KLRK1: variants seen among roughly 807,000 people sequenced by gnomAD.
KLRK1 encodes NKG2-D type II integral membrane protein.
KLRK1 carries 40 observed loss-of-function variants against 31.3 expected under a neutral mutation model. The observed-to-expected ratio is 1.28, with a 90% CI of 0.99 to 1.67. The LOEUF (loss-of-function observed/expected upper bound fraction) is 1.67. Ranked by LOEUF, KLRK1 falls within the 40% of genes most tolerant of loss-of-function variation. KLRK1 has a pLI of 0.00. For synonymous variants in KLRK1, 77 were observed against 77.3 expected (o/e 1.00, Z 0.02); for missense variants, 251 against 260.0 (o/e 0.97, Z 0.24).
intron 7 of KLRK1, among the ~76,000 whole-genome samples, chr12:10,376,013 G>A (rs190388983): frequency 2.0e-5 from 3 of 152,286 alleles, no homozygotes; most frequent in East Asian, 3.9e-4. Context: ...ATAAAGAAAT[G>A]TAAAGATATG....
chr12:10,378,773 A>T (rs1349438805), intron 5 of KLRK1, 68 bp from the exon 6 acceptor site: 1 of 1,494,482 alleles, frequency 6.7e-7, no homozygotes, highest in Non-Finnish European at 8.9e-7. Context: ...GTCTAGACAA[A>T]TTAAATGCCT....
chr12:10,375,013 T>C (rs1037128624), intron 7 of KLRK1, among the ~76,000 whole-genome samples: 15 of 146,538 alleles, frequency 1.0e-4, no homozygotes, highest in African/African-American at 3.5e-4. Context: ...ATATAAACTC[T>C]TATTTTTTAG....
At chr12:10,373,706 G>GTA (rs1862905214) in intron 7 of KLRK1, among the ~76,000 whole-genome samples, 4 of 151,674 alleles carry the variant, frequency 2.6e-5, no homozygotes, top group African/African-American at 9.7e-5. Context: ...GTGTGTGTGT[G>GTA]TGTGTGTGTG....
rs1194765971 is a variant in KLRK1, at chr12:10,373,158, A to G, written c.607T>C (p.Cys203Arg). The change falls in exon 8 of 8, where the codon TGT becomes CGT. Residue 203 changes from cysteine (C) to arginine (R), a missense_variant. By Grantham distance (180) the Cys-to-Arg change is radical (BLOSUM62 -3). Coordinates refer to ENST00000240618, the MANE Select transcript of KLRK1 (RefSeq NM_007360.4). ...CAGATGTACGTATTTGGAGTTGAACAGTTTTCTATATAGCCTTTAAAGCTC... is the reference window on the plus strand; with the variant it reads ...CAGATGTACGTATTTGGAGTTGAACGGTTTTCTATATAGCCTTTAAAGCTC... ...ASSFKGYIEN[C>R]STPNTYICMQ... is the part of the protein sequence containing the mutation. 6.2e-7 allele frequency: 1 copy of G among 1,612,142 alleles called. No individual in the cohort carries two copies. The highest frequency in any genetic ancestry group is 8.5e-7 in the Non-Finnish European group (1 of 1,179,394).
Position 10,379,487 on chromosome 12 carries a change from T to TA in KLRK1, c.242-6dup. On this transcript the variant is annotated splice_region_variant and splice_polypyrimidine_tract_variant and intron_variant, in intron 4 of 7. Transcript: ENST00000240618. ...GAACTTCTTGGTTGAATAATGCTAT[T>TA]AAAATAACCATAAGTATTAAAAGTT... is the stretch of plus-strand genomic sequence containing the variant. 1 of 1,469,728 alleles carries TA rather than the reference T, an allele frequency of 6.8e-7. No individual in the cohort carries two copies. Among genetic ancestry groups the TA allele is most frequent in the South Asian group, 1.3e-5 (1 of 76,942 alleles). The allele number at this position is 1,469,728 out of a possible 1,614,324, so 91.0% of individuals were successfully genotyped here. A position where few individuals can be genotyped will look rare whatever the true frequency, so the allele number is the denominator to read the frequency against.
At chr12:10,377,029 T>C (rs919284176) in intron 7 of KLRK1, among the ~76,000 whole-genome samples, 5 of 152,180 alleles carry the variant, frequency 3.3e-5, no homozygotes, top group African/African-American at 1.2e-4. Context: ...ATTGGCCAGG[T>C]TGGTCTTGAA....
Position 10,388,760 on chromosome 12 carries a change from TAAAAA to T in KLRK1, c.40+6_40+10del. The T allele has an allele frequency of 1.9e-6, 3 of 1,613,890 alleles. No homozygotes were observed. Among genetic ancestry groups the T allele is most frequent in the Non-Finnish European group, 2.5e-6 (3 of 1,179,926 alleles). ...AAAACAAAACTACACACTTATGTGG[TAAAAA>T]CATACCCCAGCTGTGTCGAGACCTC... On this transcript the variant is annotated splice_donor_region_variant and intron_variant, in intron 2 of 7. Transcript: ENST00000240618.
In KLRK1 at chr12:10,372,398, T is replaced by TTAAC. The variant is rs1280312552; in HGVS notation, c.*712_*715dup. 6.6e-6 allele frequency: 1 copy of TTAAC among 152,252 alleles called. No individual in the cohort carries two copies. The highest frequency in any genetic ancestry group is 2.4e-5 in the African/African-American group (1 of 41,458). 9.4% of individuals were successfully genotyped at this position (152,252 alleles called of 1,614,324 possible). ...ATTTATTCAGAGGCAAAATTCCTTC[T>TTAAC]TAACTGTGAACCTGTGAAACCAAAC... is the stretch of plus-strand genomic sequence containing the variant. On this transcript the variant is annotated 3_prime_UTR_variant, in exon 8 of 8. Coordinates refer to ENST00000240618, the MANE Select transcript of KLRK1 (RefSeq NM_007360.4).
rs1862890634 is a variant in KLRK1, at chr12:10,373,012, T to G, written c.*102A>C. On this transcript the variant is annotated 3_prime_UTR_variant, in exon 8 of 8. Transcript: ENST00000240618. ...AAGAAATCTGACAGTCTTTGGTCAT[T>G]TTGTCCTGTTTTTGTTTGTTTCCTT... 9.8e-7 allele frequency: 1 copy of G among 1,021,078 alleles called. No individual in the cohort carries two copies. The highest frequency in any genetic ancestry group is 2.3e-5 in the Admixed American group (1 of 43,014). The allele number at this position is 1,021,078 out of a possible 1,614,324, so 63.3% of individuals were successfully genotyped here. A position where few individuals can be genotyped will look rare whatever the true frequency, so the allele number is the denominator to read the frequency against.
chr12:10,373,713 T>C (rs1185541782), intron 7 of KLRK1, among the ~76,000 whole-genome samples: 2 of 150,966 alleles, frequency 1.3e-5, no homozygotes, highest in South Asian at 2.1e-4. Context: ...TGTGTGTGTG[T>C]GTGCATATGT....
At position 10,384,114 on chromosome 12, in the gene KLRK1, C is replaced by CA. The variant is rs532070355; in HGVS notation, c.148+2788dup. Among the ~76,000 whole-genome samples, 55 of 151,618 alleles carry CA rather than the reference C, an allele frequency of 3.6e-4. 1 individual carries two copies. In the South Asian group the frequency reaches 5.6e-3, roughly 16 times the overall value. On this transcript the variant is annotated intron_variant, in intron 3 of 7. Coordinates refer to ENST00000240618, the MANE Select transcript of KLRK1 (RefSeq NM_007360.4). Reference sequence around the variant, plus strand: ...CTGATGAATGAAACCAAAGAGGATGCAAAAAAATGGAAAGACATCTCATGT... The same window carrying CA: ...CTGATGAATGAAACCAAAGAGGATGCAAAAAAAATGGAAAGACATCTCATGT...
At chr12:10,379,030 T>C (rs946097467) in intron 5 of KLRK1, 2 of 199,452 alleles carry the variant, frequency 1.0e-5, no homozygotes, top group Admixed American at 5.8e-5. Flanking sequence ...GGCTCACGCC[T>C]GCAGTCCCAG....
In KLRK1 at chr12:10,373,010, A is replaced by C. The variant is rs1194483422; in HGVS notation, c.*104T>G. The C allele has an allele frequency of 6.9e-5, 69 of 1,005,474 alleles. No individual in the cohort carries two copies. The highest frequency in any genetic ancestry group is 9.0e-5 in the Non-Finnish European group (60 of 664,906). 62.3% of individuals were successfully genotyped at this position (1,005,474 alleles called of 1,614,324 possible). On this transcript the variant is annotated 3_prime_UTR_variant, in exon 8 of 8. Coordinates refer to ENST00000240618, the MANE Select transcript of KLRK1 (RefSeq NM_007360.4). ...CTAAGAAATCTGACAGTCTTTGGTC[A>C]TTTTGTCCTGTTTTTGTTTGTTTCC...
chr12:10,378,888 T>G (rs376981164), intron 5 of KLRK1, 183 bp from the exon 6 acceptor site: 4 of 659,986 alleles, frequency 6.1e-6, no homozygotes, highest in East Asian at 6.9e-5. Context: ...GTGTGGTGTC[T>G]CATGCCTGTA....
At chr12:10,386,659 C>T (rs1457177235) in intron 3 of KLRK1, among the ~76,000 whole-genome samples, 1 of 151,806 alleles carries the variant, frequency 6.6e-6, no homozygotes, top group Non-Finnish European at 1.5e-5. Flanking sequence ...CTTAGAAACT[C>T]CTGCCTCGAT....
At chr12:10,378,753 A>C in intron 5 of KLRK1, 48 bp from the exon 6 acceptor site, 1 of 1,533,290 alleles carries the variant, frequency 6.5e-7, no homozygotes, top group Non-Finnish European at 8.7e-7. Context: ...GAACCATTAT[A>C]GCAGATTTTG....
intron 5 of KLRK1, chr12:10,379,010 C>T (rs147419594): frequency 1.2e-3 from 240 of 199,694 alleles, no homozygotes; most frequent in African/African-American, 5.3e-3. Flanking sequence ...AAAAATTAGC[C>T]GGGTGTGGTG....
chr12:10,388,474 G>A (rs1306613297), intron 2 of KLRK1, among the ~76,000 whole-genome samples: 2 of 151,948 alleles, frequency 1.3e-5, no homozygotes, highest in Non-Finnish European at 2.9e-5. Flanking sequence ...TCTAGAGAGC[G>A]GTAAAAGTTT....
intron 6 of KLRK1, 152 bp from the exon 7 acceptor site, chr12:10,378,387 A>G: frequency 7.4e-7 from 1 of 1,343,202 alleles, no homozygotes; most frequent in Non-Finnish European, 1.0e-6. Context: ...CACATACATG[A>G]TACCTACAAT....
Sources: gnomAD v4.1 joint callset for allele counts (sites outside exome capture counted in the v4.1 genomes callset) on GRCh38, gnomAD v4.1.1 for gene constraint, MANE v1.5 for transcripts, NCBI Gene and HGNC (gene_info 2026-07-23, HGNC 2026-07-21) for gene names.